Variants in SNTG1 observed in about 807,000 individuals in gnomAD.
SNTG1 encodes the protein gamma-1-syntrophin.
Under a neutral mutation model 74.7 loss-of-function variants are expected in SNTG1, and 39 were observed. That is an observed-to-expected ratio of 0.52 (90% CI 0.40 to 0.68). The LOEUF (loss-of-function observed/expected upper bound fraction) is 0.68, where lower values mean the gene tolerates loss of function less well. SNTG1 is among the 30% of genes least tolerant of loss of function. The pLI is 0.00. For synonymous variants in SNTG1, 254 were observed against 217.1 expected (o/e 1.17, Z -1.49); for missense variants, 685 against 609.5 (o/e 1.12, Z -1.30).
chr8:50,590,374 T>A (rs1292451020), intron 12 of SNTG1, among the ~76,000 whole-genome samples: 1 of 152,164 alleles, frequency 6.6e-6, no homozygotes, highest in Non-Finnish European at 1.5e-5. Flanking sequence ...CTACTTTAAA[T>A]TCTTATAAAA....
At chr8:50,663,883 T>C (rs1376609177) in intron 15 of SNTG1, among the ~76,000 whole-genome samples, 1 of 152,168 alleles carries the variant, frequency 6.6e-6, no homozygotes, top group Non-Finnish European at 1.5e-5. Flanking sequence ...GACAGATAAC[T>C]ATCCTTGCTC....
chr8:50,566,257 A>C (rs1211876502), intron 12 of SNTG1, among the ~76,000 whole-genome samples: 1 of 152,028 alleles, frequency 6.6e-6, no homozygotes, highest in African/African-American at 2.4e-5. Flanking sequence ...TCATTGACCC[A>C]GAATCTTTAC....
chr8:50,010,785 CTTTTTTTT>C (rs774350614), intron 1 of SNTG1, among the ~76,000 whole-genome samples: 2 of 89,154 alleles, frequency 2.2e-5, no homozygotes, highest in East Asian at 3.3e-4. Flanking sequence ...ACAGGCCTCT[CTTTTTTTT>C]TTTTTTTTTT....
rs545553931 is a variant in SNTG1 at position 50,079,407 on chromosome 8, T to G, written c.-102-93154T>G. Among the ~76,000 whole-genome samples the G allele has an allele frequency of 8.5e-4, 121 of 142,248 alleles. No homozygotes were observed. In the South Asian group the frequency reaches 0.013, roughly 15 times the overall value. The allele number at this position is 142,248 out of a possible 152,430, so 93.3% of individuals were successfully genotyped here. A position where few individuals can be genotyped will look rare whatever the true frequency, so the allele number is the denominator to read the frequency against. ...CTTTGCCCACTTTTTGATGGGGTTG[T>G]TTGTTTTTTTTTTTCTTGTAAATTT... On this transcript the variant is annotated intron_variant, in intron 1 of 18. Transcript: ENST00000642720.
chr8:50,245,714 A>C (rs2086369271), intron 2 of SNTG1, among the ~76,000 whole-genome samples: 5 of 152,054 alleles, frequency 3.3e-5, no homozygotes, highest in Admixed American at 2.6e-4. Context: ...AAAACAAAAC[A>C]AAAAAAGGAT....
At chr8:49,959,892 T>G (rs1430804724) in intron 1 of SNTG1, among the ~76,000 whole-genome samples, 3 of 152,242 alleles carry the variant, frequency 2.0e-5, no homozygotes, top group Non-Finnish European at 4.4e-5. Context: ...TTGAATCCTT[T>G]AAGGTAAAAT....
intron 12 of SNTG1, among the ~76,000 whole-genome samples, chr8:50,557,505 C>A (rs76599974): frequency 6.6e-6 from 1 of 152,164 alleles, no homozygotes; most frequent in Non-Finnish European, 1.5e-5. Context: ...ATACATCCCT[C>A]TGGACTCTGT....
chr8:50,770,683 T>A (rs2095624837), intron 18 of SNTG1, among the ~76,000 whole-genome samples: 2 of 152,016 alleles, frequency 1.3e-5, no homozygotes, highest in Non-Finnish European at 2.9e-5. Flanking sequence ...AATGTGACAG[T>A]GTGATGAGGT....
chr8:50,382,250 T>C (rs989273828), intron 2 of SNTG1: 1 of 152,152 alleles, frequency 6.6e-6, no homozygotes, highest in African/African-American at 2.4e-5. Context: ...CATATCTATG[T>C]TACTAATAAA....
chr8:50,670,791 T>G lies in SNTG1; in HGVS notation c.1038+12128T>G, dbSNP rs572349872. Among the ~76,000 whole-genome samples the G allele has an allele frequency of 2.5e-3, 378 of 150,094 alleles. 13 individuals carry two copies. The highest frequency in any genetic ancestry group is 9.0e-3 in the African/African-American group (364 of 40,430). ...GGCATCACGCTACCTGACTTCAAAC[T>G]ATACTACAAGGCTACAGTAACCAAA... On this transcript the variant is annotated intron_variant, in intron 15 of 18. Transcript: ENST00000642720.
In SNTG1 at chr8:50,494,274, A is replaced by C. The variant is rs1044999677; in HGVS notation, c.364-8504A>C. ...ATAAAGACCACTTGCTCATAGCAAA[A>C]TTTCATTTCTCACTTGCTGAATTCC... On this transcript the variant is annotated intron_variant, in intron 8 of 18. Coordinates refer to ENST00000642720, the MANE Select transcript of SNTG1 (RefSeq NM_018967.5). Among the ~76,000 whole-genome samples the C allele has an allele frequency of 2.0e-5, 3 of 151,784 alleles. No individual in the cohort carries two copies. In the East Asian group the frequency reaches 5.8e-4, roughly 29 times the overall value.
intron 2 of SNTG1, among the ~76,000 whole-genome samples, chr8:50,384,847 C>T (rs1396711241): frequency 4.6e-5 from 7 of 151,998 alleles, no homozygotes; most frequent in South Asian, 2.1e-4. Flanking sequence ...TGCTTGAGCC[C>T]GATCACTTCC....
intron 10 of SNTG1, among the ~76,000 whole-genome samples, chr8:50,534,833 C>T (rs1427919915): frequency 6.6e-6 from 1 of 152,016 alleles, no homozygotes; most frequent in African/African-American, 2.4e-5. Flanking sequence ...ATAGTAATAG[C>T]TTTGTTTTTC....
At chr8:49,919,424 A>G (rs764061539) in intron 1 of SNTG1, among the ~76,000 whole-genome samples, 2 of 152,104 alleles carry the variant, frequency 1.3e-5, no homozygotes, top group Non-Finnish European at 2.9e-5. Context: ...AGGATAGAAA[A>G]GAACAACACT....
At chr8:50,124,584 C>T (rs2081086202) in intron 1 of SNTG1, among the ~76,000 whole-genome samples, 1 of 142,052 alleles carries the variant, frequency 7.0e-6, no homozygotes, top group East Asian at 2.0e-4. Flanking sequence ...GCAATACGGT[C>T]CTAATTGCAT....
intron 1 of SNTG1, among the ~76,000 whole-genome samples, chr8:50,035,288 C>T (rs1036140527): frequency 5.3e-5 from 8 of 152,118 alleles, no homozygotes; most frequent in Admixed American, 1.3e-4. Context: ...CACTTATCTG[C>T]GAACAATCTT....
chr8:50,416,348 C>T (rs2093013526), intron 4 of SNTG1, among the ~76,000 whole-genome samples: 1 of 152,116 alleles, frequency 6.6e-6, no homozygotes, highest in Non-Finnish European at 1.5e-5. Context: ...TTCTAAAACA[C>T]TAAGTCTGTT....
chr8:49,925,735 T>C (rs969430363), intron 1 of SNTG1, among the ~76,000 whole-genome samples: 1 of 152,218 alleles, frequency 6.6e-6, no homozygotes, highest in Admixed American at 6.5e-5. Context: ...GAGTAAACTA[T>C]CCAAGTTGTT....
intron 1 of SNTG1, among the ~76,000 whole-genome samples, chr8:50,171,143 T>C (rs1219630112): frequency 6.6e-6 from 1 of 152,184 alleles, no homozygotes. Context: ...AAGAGGCATT[T>C]CAGGGGCAAG....
Sources: allele counts gnomAD v4.1 joint callset (sites outside exome capture counted in the v4.1 genomes callset), GRCh38; gene constraint gnomAD v4.1.1; transcripts MANE v1.5; gene names NCBI Gene and HGNC (gene_info 2026-07-23, HGNC 2026-07-21).